KIAA0586: variants seen among roughly 807,000 people sequenced by gnomAD.
The protein encoded by KIAA0586 is protein TALPID3.
In KIAA0586, 144 loss-of-function variants were observed where a neutral mutation model predicts 169.8. The observed-to-expected ratio is 0.85, with a 90% CI of 0.74 to 0.97. KIAA0586 has a LOEUF of 0.97. KIAA0586 is among the 50% of genes least tolerant of loss of function. The pLI, the probability that KIAA0586 is intolerant of heterozygous loss-of-function variation, is 0.00. For synonymous variants in KIAA0586, 625 were observed against 612.4 expected, an observed-to-expected ratio of 1.02 and a Z score of -0.30; for missense variants, 1,854 against 1,823.0, an observed-to-expected ratio of 1.02 and a Z score of -0.31.
At position 58,449,115 on chromosome 14, in the gene KIAA0586, A is replaced by G. The variant is rs114809877; in HGVS notation, c.961+622A>G. Reference sequence around the variant, plus strand: ...TTGAATAATGAACTAAAGAAAATCGAGCTACTATCCCTTTAATGATATACA... The same window carrying G: ...TTGAATAATGAACTAAAGAAAATCGGGCTACTATCCCTTTAATGATATACA... On this transcript the variant is annotated intron_variant, in intron 7 of 30. Coordinates refer to ENST00000652326, the MANE Select transcript of KIAA0586 (RefSeq NM_001329943.3). 8.3e-4 allele frequency among the ~76,000 whole-genome samples: 127 copies of G among 152,358 alleles called. 1 individual carries two copies. The highest frequency in any genetic ancestry group is 3.0e-3 in the African/African-American group (125 of 41,582).
rs376113173 is a variant in KIAA0586 at position 58,432,394 on chromosome 14, A to G, written c.347A>G (p.Asp116Gly). The change falls in exon 4 of 31, where the codon GAC becomes GGC. Residue 116 changes from aspartate to glycine, a missense_variant. Asp to Gly is a moderately conservative substitution (Grantham distance 94, BLOSUM62 -1). Transcript: ENST00000652326. Reference protein sequence around the residue: ...IEENNKQKANDIFISQYTMGQ... With the variant: ...IEENNKQKANGIFISQYTMGQ... ...TTGTGTCTTGATTTTGCAGCAAATG[A>G]CATCTTCATTTCTCAGTATACAATG... is the stretch of plus-strand genomic sequence containing the variant. 20 of 1,542,872 alleles carry G rather than the reference A, an allele frequency of 1.3e-5. No individual in the cohort carries two copies. The African/African-American group carries it at 2.1e-4, about 16-fold the overall frequency.
rs2047155060 is a variant in KIAA0586 at position 58,549,640 on chromosome 14, A to G, written c.*1708A>G. 2 of 152,164 alleles carry G rather than the reference A, an allele frequency of 1.3e-5. No individual in the cohort carries two copies. Among genetic ancestry groups the G allele is most frequent in the African/African-American group, 4.8e-5 (2 of 41,428 alleles). The allele number at this position is 152,164 out of a possible 1,614,324, so 9.4% of individuals were successfully genotyped here. ...AGTTCTGCTTATAACAGTTTCCTTTAAACAAGTGGAAGAAAAATTCTGCTC... is the reference window on the plus strand; with the variant it reads ...AGTTCTGCTTATAACAGTTTCCTTTGAACAAGTGGAAGAAAAATTCTGCTC... On this transcript the variant is annotated 3_prime_UTR_variant, in exon 31 of 31. Coordinates refer to ENST00000652326, the MANE Select transcript of KIAA0586 (RefSeq NM_001329943.3).
chr14:58,548,515 A>G lies in KIAA0586; in HGVS notation c.*583A>G, dbSNP rs2047118074. On this transcript the variant is annotated 3_prime_UTR_variant, in exon 31 of 31. Transcript: ENST00000652326. ...GTGGGGAGGAATTCAAATGTATGGT[A>G]TGTCACATATTCTTACATGTATTTG... 6.6e-6 allele frequency: 1 copy of G among 152,242 alleles called. No individual in the cohort carries two copies. The highest frequency in any genetic ancestry group is 6.5e-5 in the Admixed American group (1 of 15,282). The allele number at this position is 152,242 out of a possible 1,614,324, so 9.4% of individuals were successfully genotyped here. A position where few individuals can be genotyped will look rare whatever the true frequency, so the allele number is the denominator to read the frequency against.
In KIAA0586 at chr14:58,498,797, T is replaced by C; in HGVS notation, c.4005T>C (p.Ser1335=). The change falls in exon 27 of 31, where the codon AGT becomes AGC. Residue 1335 remains serine (S), a synonymous_variant. Coordinates refer to ENST00000652326, the MANE Select transcript of KIAA0586 (RefSeq NM_001329943.3). ...GCTTTTTAAAGGACTTGGAAAACAG[T>C]GTGGGTGAACTTAGTGAAGGACAAA... is the stretch of plus-strand genomic sequence containing the variant. ...AVYHSEDLEN[S]VGELSEGQRP... 6.2e-7 allele frequency: 1 copy of C among 1,600,898 alleles called. No homozygotes were observed. The highest frequency in any genetic ancestry group is 8.5e-7 in the Non-Finnish European group (1 of 1,175,160).
chr14:58,493,791 A>G (rs952484823), intron 26 of KIAA0586, among the ~76,000 whole-genome samples: 2 of 152,134 alleles, frequency 1.3e-5, no homozygotes, highest in African/African-American at 4.8e-5. Flanking sequence ...TGCAGAAATT[A>G]AGATGATTAG....
At chr14:58,555,417 T>C (rs991681228), downstream of KIAA0586, among the ~76,000 whole-genome samples, 20 of 152,136 alleles carry the variant, frequency 1.3e-4, no homozygotes, top group African/African-American at 4.8e-4. Context: ...TAGCTTTTCA[T>C]CAAGGAACAG....
At chr14:58,544,205 T>C (rs1261996901) in intron 30 of KIAA0586, among the ~76,000 whole-genome samples, 3 of 152,236 alleles carry the variant, frequency 2.0e-5, no homozygotes, top group Non-Finnish European at 4.4e-5. Context: ...GATCTTGTTC[T>C]TTTTTATGGC....
At chr14:58,515,242 C>T (rs1199124763) in intron 29 of KIAA0586, among the ~76,000 whole-genome samples, 1 of 151,562 alleles carries the variant, frequency 6.6e-6, no homozygotes, top group Non-Finnish European at 1.5e-5. Context: ...ACACGTTACT[C>T]AGAAAATAAG....
chr14:58,558,956 C>T, the KIAA0586 span, among the ~76,000 whole-genome samples: 8 of 152,200 alleles, frequency 5.3e-5, no homozygotes, highest in South Asian at 1.7e-3. Flanking sequence ...CAATCTGAAT[C>T]TTAGTAGGTC....
At chr14:58,526,059 G>T (rs1192301430) in intron 29 of KIAA0586, among the ~76,000 whole-genome samples, 1 of 152,226 alleles carries the variant, frequency 6.6e-6, no homozygotes, top group East Asian at 1.9e-4. Flanking sequence ...AGCAGCCCCA[G>T]TCAGGAGCTT....
At chr14:58,447,994 A>G (rs529980482) in intron 6 of KIAA0586, among the ~76,000 whole-genome samples, 6 of 152,268 alleles carry the variant, frequency 3.9e-5, no homozygotes, top group Non-Finnish European at 7.4e-5. Context: ...TGATTCAAGT[A>G]GAGGTTTAGG....
At chr14:58,471,009 G>A (rs780590374) in intron 17 of KIAA0586, among the ~76,000 whole-genome samples, 29 of 151,890 alleles carry the variant, frequency 1.9e-4, no homozygotes, top group Non-Finnish European at 3.8e-4. Flanking sequence ...CTGCCACCAC[G>A]CCCGGCTAAT....
At chr14:58,491,078 G>A (rs528127182) in intron 25 of KIAA0586, among the ~76,000 whole-genome samples, 6 of 152,224 alleles carry the variant, frequency 3.9e-5, no homozygotes, top group Admixed American at 1.3e-4. Context: ...TGGGAAGAAG[G>A]CATAAATGAG....
rs201709033 is a variant in KIAA0586, at chr14:58,488,737, C to T, written c.3644C>T (p.Pro1215Leu). The change falls in exon 24 of 31, where the codon CCC (proline) becomes CTC (leucine). Residue 1215 changes from proline (P) to leucine (L), a missense_variant. Pro to Leu is a moderately conservative substitution (Grantham distance 98, BLOSUM62 -3). Coordinates refer to ENST00000652326, the MANE Select transcript of KIAA0586 (RefSeq NM_001329943.3). ...CCTGCCGGCACCAAGGCCCCTTCCC[C>T]CTCACAGATGCCAGGTTCTGATTCA... ...PFPAGTKAPS[P>L]SQMPGSDSST... 70 of 1,613,888 alleles carry T rather than the reference C, an allele frequency of 4.3e-5. No individual in the cohort carries two copies. Among genetic ancestry groups the T allele is most frequent in the Non-Finnish European group, 5.8e-5 (69 of 1,179,852 alleles).
Position 58,450,580 on chromosome 14 carries a change from A to G in KIAA0586, c.963A>G (p.Ala321=), listed in dbSNP as rs2039284839. The G allele has an allele frequency of 1.3e-6, 2 of 1,587,790 alleles. No individual in the cohort carries two copies. Among genetic ancestry groups the G allele is most frequent in the Middle Eastern group, 1.7e-4 (1 of 6,012 alleles). Residue 321 remains alanine (A), a splice_region_variant and synonymous_variant, in exon 8 of 31, where the codon GCA becomes GCG. Coordinates refer to ENST00000652326, the MANE Select transcript of KIAA0586 (RefSeq NM_001329943.3). ...SLYNTFASKQ[A]PLKEVEDTSF... is the part of the protein sequence containing the mutation. ...TTTTTAAAAAATTTTCTGTTAAAGC[A>G]CCTTTAAAAGAAGTTGAAGATACGA...
chr14:58,464,078 T>C (rs2040545944), intron 14 of KIAA0586: 2 of 424,550 alleles, frequency 4.7e-6, no homozygotes, highest in South Asian at 1.8e-5. Context: ...ATTGATGATC[T>C]GGAGAAGAAC....
At chr14:58,488,939 T>G in intron 24 of KIAA0586, 65 bp downstream of exon 24, 1 of 1,490,086 alleles carries the variant, frequency 6.7e-7, no homozygotes. Flanking sequence ...GTAATACTTT[T>G]CTATTTAAAG....
intron 6 of KIAA0586, 105 bp from the exon 7 acceptor site, chr14:58,448,235 A>G: frequency 1.4e-6 from 1 of 706,534 alleles, no homozygotes; most frequent in South Asian, 2.3e-5. Flanking sequence ...ATTGTTTATT[A>G]AATGCAGTAA....
chr14:58,530,760 A>G (rs1476636656), intron 29 of KIAA0586, among the ~76,000 whole-genome samples: 2 of 152,242 alleles, frequency 1.3e-5, no homozygotes, highest in Non-Finnish European at 2.9e-5. Flanking sequence ...CCTAGGCAGT[A>G]CCATTCAGGA....
Sources: allele counts gnomAD v4.1 joint callset (sites outside exome capture counted in the v4.1 genomes callset), GRCh38; gene constraint gnomAD v4.1.1; transcripts MANE v1.5; gene names NCBI Gene and HGNC (gene_info 2026-07-23, HGNC 2026-07-21).